The following HSD17B11 variants were observed in gnomAD, a reference collection of about 807,000 sequenced individuals.
HSD17B11 encodes the protein estradiol 17-beta-dehydrogenase 11.
Under a neutral mutation model 27.8 loss-of-function variants are expected in HSD17B11, and 22 were observed. The ratio of observed to expected loss-of-function variants is 0.79; its 90% CI spans 0.56 to 1.13. HSD17B11 has a LOEUF of 1.13. HSD17B11 is among the 50% of genes most tolerant of loss of function. HSD17B11 has a pLI of 0.00. For synonymous variants in HSD17B11, 117 were observed against 132.8 expected (o/e 0.88, Z 0.82); for missense variants, 314 against 351.1 (o/e 0.89, Z 0.84).
At chr4:87,345,928 T>G (rs1735263628) in intron 5 of HSD17B11, among the ~76,000 whole-genome samples, 1 of 152,138 alleles carries the variant, frequency 6.6e-6, no homozygotes, top group Non-Finnish European at 1.5e-5. Context: ...GAGGAGGAAA[T>G]TCTTAATTCA....
intron 1 of HSD17B11, among the ~76,000 whole-genome samples, chr4:87,388,351 C>T (rs1720372795): frequency 6.6e-6 from 1 of 152,208 alleles, no homozygotes. Context: ...AGACTGGCCA[C>T]ATTTTGAAAG....
At chr4:87,376,522 AC>A (rs11304481) in intron 2 of HSD17B11, among the ~76,000 whole-genome samples, 9,326 of 141,398 alleles carry the variant, frequency 0.066, 502 homozygotes, top group Middle Eastern at 0.093. Flanking sequence ...AAAAAAAAAA[AC>A]CCAAAAAACA....
intron 5 of HSD17B11, among the ~76,000 whole-genome samples, chr4:87,343,090 C>A (rs1197603775): frequency 6.6e-6 from 1 of 152,208 alleles, no homozygotes; most frequent in African/African-American, 2.4e-5. Context: ...GCCTTGCTAA[C>A]CTACCTATCA....
At chr4:87,380,169 A>G (rs1042523056) in intron 2 of HSD17B11, among the ~76,000 whole-genome samples, 5 of 150,152 alleles carry the variant, frequency 3.3e-5, no homozygotes, top group Non-Finnish European at 7.4e-5. Flanking sequence ...CAAAACAGCT[A>G]CTTCAAAATA....
Position 87,388,886 on chromosome 4 carries a change from C to G in HSD17B11, c.210+1975G>C, listed in dbSNP as rs562895997. ...AAGTCATTAACCTAACTAACTCTTA[C>G]ATACATTTAAATTTTAGCTTAAACC... is the stretch of plus-strand genomic sequence containing the variant. On this transcript the variant is annotated intron_variant, in intron 1 of 6. Transcript: ENST00000358290. 1.2e-4 allele frequency among the ~76,000 whole-genome samples: 19 copies of G among 152,334 alleles called. No homozygotes were observed. The South Asian group carries it at 3.9e-3, about 32-fold the overall frequency.
At chr4:87,364,143 T>A (rs1279057164) in intron 4 of HSD17B11, among the ~76,000 whole-genome samples, 1 of 151,534 alleles carries the variant, frequency 6.6e-6, no homozygotes, top group African/African-American at 2.4e-5. Context: ...TATTTTTGTT[T>A]TTTTGTTTTG....
chr4:87,380,863 C>CAAAAAAAAAAAAAAAAAAAAAAAAAAAAA (rs561938045), intron 2 of HSD17B11, among the ~76,000 whole-genome samples: 2 of 74,704 alleles, frequency 2.7e-5, no homozygotes, highest in Admixed American at 1.6e-4. Context: ...GACTCTATCT[C>CAAAAAAAAAAAAAAAAAAAAAAAAAAAAA]AAAAAAAAAA....
At chr4:87,363,829 T>A (rs1217418115) in intron 4 of HSD17B11, among the ~76,000 whole-genome samples, 1 of 152,244 alleles carries the variant, frequency 6.6e-6, no homozygotes, top group African/African-American at 2.4e-5. Context: ...AATAAGTCAT[T>A]ACTGATTTAA....
At chr4:87,341,062 C>A (rs1735156603) in intron 5 of HSD17B11, among the ~76,000 whole-genome samples, 1 of 152,164 alleles carries the variant, frequency 6.6e-6, no homozygotes, top group Non-Finnish European at 1.5e-5. Flanking sequence ...CCTAAAGCAT[C>A]AGAGGAATTA....
chr4:87,365,215 C>T lies in HSD17B11; in HGVS notation c.557+7494G>A, dbSNP rs968881634. ...ACGAAAAACTGTATAAGTGCTGAAT[C>T]TTCTATTTATAGTGTATGTTTATAT... On this transcript the variant is annotated intron_variant, in intron 4 of 6. Transcript: ENST00000358290. 3.3e-5 allele frequency among the ~76,000 whole-genome samples: 5 copies of T among 152,214 alleles called. No individual in the cohort carries two copies. The South Asian group carries it at 1.0e-3, about 32-fold the overall frequency.
intron 1 of HSD17B11, among the ~76,000 whole-genome samples, chr4:87,386,511 A>G (rs952424972): frequency 2.0e-5 from 3 of 152,148 alleles, no homozygotes; most frequent in African/African-American, 7.2e-5. Flanking sequence ...CCGGTGCAAC[A>G]AATTTAAGTT....
chr4:87,383,928 C>T (rs1720237863), intron 1 of HSD17B11, among the ~76,000 whole-genome samples: 1 of 151,976 alleles, frequency 6.6e-6, no homozygotes. Flanking sequence ...AACTAATGCA[C>T]TAATGGGCAG....
chr4:87,340,267 A>G (rs1735140895), intron 6 of HSD17B11: 1 of 281,486 alleles, frequency 3.6e-6, no homozygotes, highest in Non-Finnish European at 6.7e-6. Context: ...AGAAATATAC[A>G]AATTTCTTTC....
intron 6 of HSD17B11, among the ~76,000 whole-genome samples, 182 bp from the exon 7 acceptor site, chr4:87,337,548 T>C (rs568901053): frequency 6.6e-6 from 1 of 152,254 alleles, no homozygotes; most frequent in South Asian, 2.1e-4. Context: ...CCTTTTCAAA[T>C]GGAAAAGAAG....
chr4:87,363,241 C>G (rs1423239163), intron 4 of HSD17B11, among the ~76,000 whole-genome samples: 1 of 152,106 alleles, frequency 6.6e-6, no homozygotes. Flanking sequence ...CAGCAAAAGG[C>G]TAAGAATTTG....
chr4:87,340,769 GATA>G (rs940178795), intron 5 of HSD17B11, among the ~76,000 whole-genome samples, 163 bp from the exon 6 acceptor site: 5 of 152,258 alleles, frequency 3.3e-5, no homozygotes, highest in South Asian at 2.1e-4. Context: ...CTTTACCATT[GATA>G]ATAATAATAA....
At chr4:87,345,561 G>A (rs969291560) in intron 5 of HSD17B11, among the ~76,000 whole-genome samples, 3 of 152,038 alleles carry the variant, frequency 2.0e-5, no homozygotes, top group African/African-American at 7.2e-5. Flanking sequence ...CAAACCTTTA[G>A]CTACACTGAC....
intron 4 of HSD17B11, among the ~76,000 whole-genome samples, chr4:87,359,421 T>C (rs1735463753): frequency 6.6e-6 from 1 of 152,206 alleles, no homozygotes; most frequent in Non-Finnish European, 1.5e-5. Context: ...AGTGCAGTGA[T>C]GCAATCATAG....
At position 87,374,805 on chromosome 4, in the gene HSD17B11, C is replaced by T. The variant is rs754326184; in HGVS notation, c.344G>A (p.Ser115Asn). The T allele has an allele frequency of 1.3e-6, 2 of 1,579,940 alleles. No individual in the cohort carries two copies. Among genetic ancestry groups the T allele is most frequent in the Non-Finnish European group, 1.7e-6 (2 of 1,163,920 alleles). The change falls in exon 3 of 7, where the codon AGT becomes AAT. Residue 115 changes from serine (S) to asparagine (N), a missense_variant. Transcript: ENST00000358290. ...TACACCAGCATTATTTACTAAAATACTAACATCTCCAATTTCTGCCTTCAC... is the reference window on the plus strand; with the variant it reads ...TACACCAGCATTATTTACTAAAATATTAACATCTCCAATTTCTGCCTTCAC... The part of the protein sequence containing the change: ...KKVKAEIGDV[S>N]ILVNNAGVVY...
Sources: gnomAD v4.1 joint callset for allele counts (sites outside exome capture counted in the v4.1 genomes callset) on GRCh38, gnomAD v4.1.1 for gene constraint, MANE v1.5 for transcripts, NCBI Gene and HGNC (gene_info 2026-07-23, HGNC 2026-07-21) for gene names.